Variants in SCN4A observed in about 807,000 individuals in gnomAD.
SCN4A encodes sodium channel protein type 4 subunit alpha.
SCN4A carries 83 observed loss-of-function variants against 162.0 expected under a neutral mutation model. That is an observed-to-expected ratio of 0.51 (90% CI 0.43 to 0.61). SCN4A has a LOEUF of 0.61. Ranked by LOEUF, SCN4A falls within the 20% of genes least tolerant of loss-of-function variation. The probability of loss-of-function intolerance (pLI) is 0.00; values close to 1 mark genes in which losing one functional copy is unlikely to be tolerated. For missense variants in SCN4A, 2,196 were observed against 2,462.5 expected (o/e 0.89, Z 2.29); for synonymous variants, 944 against 985.1 (o/e 0.96, Z 0.78).
At position 63,972,568 on chromosome 17, in the gene SCN4A, C is replaced by T; in HGVS notation, c.273+1G>A. On this transcript the variant is annotated splice_donor_variant, in intron 1 of 23. Transcript: ENST00000435607. LOFTEE classifies it high-confidence loss of function. The surrounding 1 kb of genome is among the most constrained non-coding windows in gnomAD (Gnocchi z 4.3). ...CAGAGGAAGCCTTCCCAGGCCCAGACCTTCTTATTGCTGTAGTAGGGATCC... is the reference window on the plus strand; with the variant it reads ...CAGAGGAAGCCTTCCCAGGCCCAGATCTTCTTATTGCTGTAGTAGGGATCC... 6.3e-7 allele frequency: 1 copy of T among 1,593,618 alleles called. No homozygotes were observed. The highest frequency in any genetic ancestry group is 8.5e-7 in the Non-Finnish European group (1 of 1,169,808).
At chr17:63,963,969 G>A (rs1909353932) in intron 9 of SCN4A, 144 bp from the exon 10 acceptor site, 3 of 737,986 alleles carry the variant, frequency 4.1e-6, no homozygotes, top group South Asian at 4.1e-5. Flanking sequence ...AGGTGGGGGA[G>A]GGACCAACCT....
rs757225463 is a variant in SCN4A at position 63,971,769 on chromosome 17, G to T, written c.564C>A (p.Phe188Leu). The part of the protein sequence containing the change: ...ARGFCVDDFT[F>L]LRDPWNWLDF... ...CCAGCCAGTTCCAGGGGTCCCGGAG[G>T]AATGTGAAGTCGTCGACACAGAAGC... Residue 188 changes from phenylalanine (F) to leucine (L), a missense_variant, in exon 4 of 24, where the codon TTC (phenylalanine) becomes TTA (leucine). Transcript: ENST00000435607. 1 of 1,612,188 alleles carries T rather than the reference G, an allele frequency of 6.2e-7. No homozygotes were observed. The highest frequency in any genetic ancestry group is 2.2e-5 in the East Asian group (1 of 44,808).
intron 23 of SCN4A, 36 bp from the exon 24 acceptor site, chr17:63,942,029 G>C (rs1908555979): frequency 1.3e-6 from 2 of 1,526,294 alleles, no homozygotes; most frequent in Non-Finnish European, 1.8e-6. Context: ...CTGCCACTGG[G>C]GAGGGGGGCC....
chr17:63,961,367 T>C lies in SCN4A; in HGVS notation c.1671A>G (p.Ile557Met), dbSNP rs1169587783. The C allele has an allele frequency of 1.9e-6, 3 of 1,613,712 alleles. No homozygotes were observed. The highest frequency in any genetic ancestry group is 2.2e-5 in the South Asian group (2 of 91,084). The change falls in exon 11 of 24, where the codon ATA becomes ATG. Residue 557 changes from isoleucine to methionine, a missense_variant. Ile to Met is a conservative substitution (Grantham distance 10). Transcript: ENST00000435607. ...TCAGCCACGGGGCGCAGCAGTTCCATATGAGCACTTTGTGGGCGCACTTGT... is the reference window on the plus strand; with the variant it reads ...TCAGCCACGGGGCGCAGCAGTTCCACATGAGCACTTTGTGGGCGCACTTGT... ...WWYKCAHKVL[I>M]WNCCAPWLKF... is the part of the protein sequence containing the mutation.
Position 63,972,908 on chromosome 17 carries a change from C to G in SCN4A, c.-67G>C, listed in dbSNP as rs191783461. On this transcript the variant is annotated 5_prime_UTR_variant, in exon 1 of 24. Coordinates refer to ENST00000435607, the MANE Select transcript of SCN4A (RefSeq NM_000334.4). The surrounding 1 kb of genome is among the most constrained non-coding windows in gnomAD (Gnocchi z 4.3). ...CCTGGGGAGCTGCAGTGCGCAGCCCCGGGGTGCTGGGCGGCCGCCCCTCCC... is the reference window on the plus strand; with the variant it reads ...CCTGGGGAGCTGCAGTGCGCAGCCCGGGGGTGCTGGGCGGCCGCCCCTCCC... 6.7e-7 allele frequency: 1 copy of G among 1,496,598 alleles called. No homozygotes were observed. The highest frequency in any genetic ancestry group is 8.9e-7 in the Non-Finnish European group (1 of 1,124,318). The allele number at this position is 1,496,598 out of a possible 1,614,324, so 92.7% of individuals were successfully genotyped here.
rs111745569 is a variant in SCN4A at position 63,943,212 on chromosome 17, C to CAGAGAGAGAGAGAGAG, written c.4018-132_4018-117dup. On this transcript the variant is annotated intron_variant, in intron 22 of 23. Coordinates refer to ENST00000435607, the MANE Select transcript of SCN4A (RefSeq NM_000334.4). The stretch of plus-strand genomic sequence containing the variant: ...AGCATGACAGAGATGACAGAGATGA[C>CAGAGAGAGAGAGAGAG]AGAGAGAGAGAGAGAGAGAGAGAGA... 2.5e-4 allele frequency: 92 copies of CAGAGAGAGAGAGAGAG among 369,680 alleles called. No individual in the cohort carries two copies. The East Asian group carries it at 7.2e-3, about 29-fold the overall frequency. The allele number at this position is 369,680 out of a possible 1,614,324, so 22.9% of individuals were successfully genotyped here.
chr17:63,972,607 G>C lies in SCN4A; in HGVS notation c.235C>G (p.Pro79Ala), dbSNP rs376505442. ...GDPPPEVIGIPLEDLDPYYSN... is the reference protein window; with the variant it reads ...GDPPPEVIGIALEDLDPYYSN... The stretch of plus-strand genomic sequence containing the variant: ...TAGTAGGGATCCAGGTCCTCCAGGG[G>C]GATGCCGATGACCTCCGGCGGGGGG... The change falls in exon 1 of 24, where the codon CCC (proline) becomes GCC (alanine). Residue 79 changes from proline (P) to alanine (A), a missense_variant. Transcript: ENST00000435607. The surrounding 1 kb of genome is among the most constrained non-coding windows in gnomAD (Gnocchi z 4.3). The C allele has an allele frequency of 1.2e-6, 2 of 1,602,614 alleles. No homozygotes were observed. Among genetic ancestry groups the C allele is most frequent in the African/African-American group, 1.3e-5 (1 of 74,802 alleles).
At position 63,945,647 on chromosome 17, in the gene SCN4A, C is replaced by CA. The variant is rs1315296755; in HGVS notation, c.3442-10dup. 1 of 1,613,630 alleles carries CA rather than the reference C, an allele frequency of 6.2e-7. No homozygotes were observed. Among genetic ancestry groups the CA allele is most frequent in the South Asian group, 1.1e-5 (1 of 91,080 alleles). ...AGGGCGTTCACCACCACCTGGGGGC[C>CA]AGGGGGTCCATTGCCAGTGCCTCTC... On this transcript the variant is annotated splice_polypyrimidine_tract_variant and intron_variant, in intron 18 of 23. Coordinates refer to ENST00000435607, the MANE Select transcript of SCN4A (RefSeq NM_000334.4). This position sits in a 1 kb window ranked among gnomAD's most constrained non-coding sequence, Gnocchi z 4.4.
Position 63,971,232 on chromosome 17 carries a change from G to C in SCN4A, c.633C>G (p.Asp211Glu), listed in dbSNP as rs765336936. 3 of 1,561,814 alleles carry C rather than the reference G, an allele frequency of 1.9e-6. No individual in the cohort carries two copies. Among genetic ancestry groups the C allele is most frequent in the Non-Finnish European group, 2.6e-6 (3 of 1,151,988 alleles). Residue 211 changes from aspartate to glutamate, a missense_variant, in exon 5 of 24, where the codon GAC (aspartate) becomes GAG (glutamate). By Grantham distance (45) the Asp-to-Glu change is conservative. Coordinates refer to ENST00000435607, the MANE Select transcript of SCN4A (RefSeq NM_000334.4). ...TCCTCAGGGCTGAGATGTTGCCCAA[G>C]TCCACAAACTCTGTCAGGTACCTGG... ...IMMAYLTEFVDLGNISALRTF... is the reference protein window; with the variant it reads ...IMMAYLTEFVELGNISALRTF...
Position 63,944,957 on chromosome 17 carries a change from T to C in SCN4A, c.3774+50A>G. On this transcript the variant is annotated intron_variant, in intron 20 of 23. Coordinates refer to ENST00000435607, the MANE Select transcript of SCN4A (RefSeq NM_000334.4). The surrounding 1 kb of genome is among the most constrained non-coding windows in gnomAD (Gnocchi z 4.3). Reference sequence around the variant, plus strand: ...TGCCAAGTCTCCCTCCTGTCTTGAGTCCTCTTCCCTGGCTCGCTCACCAGC... The same window carrying C: ...TGCCAAGTCTCCCTCCTGTCTTGAGCCCTCTTCCCTGGCTCGCTCACCAGC... 1 of 1,603,888 alleles carries C rather than the reference T, an allele frequency of 6.2e-7. No homozygotes were observed. The highest frequency in any genetic ancestry group is 1.3e-5 in the African/African-American group (1 of 74,736).
Position 63,950,865 on chromosome 17 carries a change from T to TC in SCN4A, c.2853+558dup, listed in dbSNP as rs1273740264. ...GCACACCCCCTGCATGGCTGAGGGG[T>TC]CAGGGCTCCTGCCTGAGGCTTCTGT... is the stretch of plus-strand genomic sequence containing the variant. On this transcript the variant is annotated intron_variant, in intron 14 of 23. Transcript: ENST00000435607. This position sits in a 1 kb window ranked among gnomAD's most constrained non-coding sequence, Gnocchi z 4.6. Among the ~76,000 whole-genome samples the TC allele has an allele frequency of 6.6e-6, 1 of 151,694 alleles. No homozygotes were observed. The highest frequency in any genetic ancestry group is 1.5e-5 in the Non-Finnish European group (1 of 67,908).
Position 63,948,621 on chromosome 17 carries a change from C to G in SCN4A, c.3134G>C (p.Ser1045Thr). Residue 1045 changes from serine to threonine, a missense_variant, in exon 16 of 24, where the codon AGT becomes ACT. By Grantham distance (58) the Ser-to-Thr change is moderately conservative. Coordinates refer to ENST00000435607, the MANE Select transcript of SCN4A (RefSeq NM_000334.4). The part of the protein sequence containing the change: ...TFIVFMILLS[S>T]GALAFEDIYI... Reference sequence around the variant, plus strand: ...CCAGGCAGTGCCTACCAGAGCCCCACTGCTGAGCAGGATCATGAAGACAAT... The same window carrying G: ...CCAGGCAGTGCCTACCAGAGCCCCAGTGCTGAGCAGGATCATGAAGACAAT... 6.2e-7 allele frequency: 1 copy of G among 1,613,582 alleles called. No homozygotes were observed. The highest frequency in any genetic ancestry group is 8.5e-7 in the Non-Finnish European group (1 of 1,179,722).
At chr17:63,962,488 G>A (rs1359959108) in intron 10 of SCN4A, among the ~76,000 whole-genome samples, 1 of 152,182 alleles carries the variant, frequency 6.6e-6, no homozygotes, top group Admixed American at 6.5e-5. Flanking sequence ...GGGGCACGGT[G>A]GGGACACATT....
chr17:63,942,344 C>A (rs1908570180), intron 23 of SCN4A, among the ~76,000 whole-genome samples: 1 of 151,692 alleles, frequency 6.6e-6, no homozygotes, highest in Admixed American at 6.6e-5. Flanking sequence ...AGAACAGCTG[C>A]GTGACTCTGG....
At chr17:63,962,168 G>T (rs1909285861) in intron 10 of SCN4A, among the ~76,000 whole-genome samples, 1 of 152,230 alleles carries the variant, frequency 6.6e-6, no homozygotes, top group Admixed American at 6.5e-5. Flanking sequence ...TGGCCTGTGA[G>T]ATGCCCTAAT....
intron 16 of SCN4A, 42 bp from the exon 17 acceptor site, chr17:63,948,105 G>C (rs1283357931): frequency 1.9e-6 from 3 of 1,538,792 alleles, no homozygotes; most frequent in South Asian, 2.4e-5. Context: ...GGTCCAGCAG[G>C]CTGGGGTGGC....
rs1311955664 is a variant in SCN4A at position 63,940,857 on chromosome 17, G to C, written c.5425C>G (p.Pro1809Ala). The C allele has an allele frequency of 9.3e-6, 15 of 1,612,226 alleles. No individual in the cohort carries two copies. Among genetic ancestry groups the C allele is most frequent in the South Asian group, 6.6e-5 (6 of 91,056 alleles). The change falls in exon 24 of 24, where the codon CCC (proline) becomes GCC (alanine). Residue 1809 changes from proline (P) to alanine (A), a missense_variant. Pro to Ala is a conservative substitution (Grantham distance 27). Coordinates refer to ENST00000435607, the MANE Select transcript of SCN4A (RefSeq NM_000334.4). ...GDAGPTMGLM[P>A]ISPSDTAWPP... ...CAGGCAGTGTCTGAGGGGCTGATGG[G>C]CATCAGCCCCATAGTGGGTCCGGCG...
At chr17:63,959,549 G>T in intron 11 of SCN4A, 111 bp from the exon 12 acceptor site, 1 of 990,850 alleles carries the variant, frequency 1.0e-6, no homozygotes, top group Non-Finnish European at 1.5e-6. Context: ...GAGGGGAAGG[G>T]GTCCAGAGCC....
At chr17:63,953,682 GAAGAAA>G (rs1567821714) in intron 13 of SCN4A, among the ~76,000 whole-genome samples, 2 of 124,376 alleles carry the variant, frequency 1.6e-5, no homozygotes, top group Admixed American at 8.2e-5. Context: ...ACCCTGCCTT[GAAGAAA>G]AAAAAAAAAA....
Sources: allele counts gnomAD v4.1 joint callset (sites outside exome capture counted in the v4.1 genomes callset), GRCh38; gene constraint gnomAD v4.1.1; non-coding constraint Gnocchi (gnomAD v3.1); transcripts MANE v1.5; gene names NCBI Gene and HGNC (gene_info 2026-07-23, HGNC 2026-07-21).